The following NRP1 variants were observed in gnomAD, a reference collection of about 807,000 sequenced individuals.
The protein encoded by NRP1 is neuropilin 1.
Under a neutral mutation model 106.7 loss-of-function variants are expected in NRP1, and 35 were observed. That is an observed-to-expected ratio of 0.33 (90% confidence interval 0.25 to 0.43). The LOEUF (loss-of-function observed/expected upper bound fraction) is 0.43, where lower values mean the gene tolerates loss of function less well. Among genes scored for constraint, NRP1 ranks in the 20% least tolerant of loss-of-function variants. The probability of loss-of-function intolerance (pLI) is 1.00; values close to 1 mark genes in which losing one functional copy is unlikely to be tolerated. For missense variants in NRP1, 1,024 were observed against 1,170.4 expected (o/e 0.87, Z 1.83); for synonymous variants, 437 against 417.9 (o/e 1.05, Z -0.56).
At chr10:33,321,471 C>G (rs1847505665) in intron 2 of NRP1, among the ~76,000 whole-genome samples, 1 of 152,166 alleles carries the variant, frequency 6.6e-6, no homozygotes, top group African/African-American at 2.4e-5. Flanking sequence ...AGCCTAATCT[C>G]TTATCAGACC....
intron 2 of NRP1, among the ~76,000 whole-genome samples, chr10:33,300,072 A>C (rs550464892): frequency 1.3e-5 from 2 of 152,368 alleles, no homozygotes; most frequent in East Asian, 1.9e-4. Flanking sequence ...AATGTCTAGC[A>C]TCTTCACAGT....
In NRP1 at chr10:33,213,688, C is replaced by G; in HGVS notation, c.1312G>C (p.Val438Leu). The change falls in exon 9 of 17, where the codon GTG (valine) becomes CTG (leucine). Residue 438 changes from valine (V) to leucine (L), a missense_variant. By Grantham distance (32) the Val-to-Leu change is conservative. This residue lies in a region of NRP1 where 562 missense variants were observed against 620.3 expected (regional missense o/e 0.91). Transcript: ENST00000374867. ...TGGGAGTCAGAAATAAGTCCAGACA[C>G]CATACCCAACATTCCAGAGCAAGGA... ...DYPCSGMLGMVSGLISDSQIT... is the reference protein window; with the variant it reads ...DYPCSGMLGMLSGLISDSQIT... The G allele has an allele frequency of 6.2e-7, 1 of 1,604,966 alleles. No homozygotes were observed.
chr10:33,213,032 GAGGGCAGACCCAA>G, intron 9 of NRP1: 1 of 563,840 alleles, frequency 1.8e-6, no homozygotes, highest in Non-Finnish European at 3.1e-6. Flanking sequence ...GAGATGGGGG[GAGGGCAGACCCAA>G]ACGACTGAGT....
Position 33,182,691 on chromosome 10 carries a change from A to G in NRP1, c.2482+7T>C. The G allele has an allele frequency of 1.2e-6, 2 of 1,609,886 alleles. No individual in the cohort carries two copies. The highest frequency in any genetic ancestry group is 8.5e-7 in the Non-Finnish European group (1 of 1,177,156). ...TTTTTAAAAATTGGTCAGCAAGACA[A>G]ATTTACCTGTTTCATCAATTTTAAT... On this transcript the variant is annotated splice_region_variant and intron_variant, in intron 16 of 16. Transcript: ENST00000374867.
At chr10:33,288,734 A>G (rs1844768723) in intron 2 of NRP1, 1 of 152,166 alleles carries the variant, frequency 6.6e-6, no homozygotes, top group African/African-American at 2.4e-5. Context: ...TCACTCTTTC[A>G]AAGCCCACCC....
At chr10:33,240,252 C>T (rs1280707020) in intron 6 of NRP1, among the ~76,000 whole-genome samples, 1 of 152,098 alleles carries the variant, frequency 6.6e-6, no homozygotes, top group Non-Finnish European at 1.5e-5. Context: ...AATTTTCATG[C>T]CTAAAAGACT....
At chr10:33,222,343 T>G (rs1839312295) in intron 7 of NRP1, among the ~76,000 whole-genome samples, 1 of 152,182 alleles carries the variant, frequency 6.6e-6, no homozygotes, top group Non-Finnish European at 1.5e-5. Flanking sequence ...CCCCTTTGAC[T>G]TCATTCCTTG....
At chr10:33,206,714 G>T (rs1000851859) in intron 10 of NRP1, among the ~76,000 whole-genome samples, 2 of 152,152 alleles carry the variant, frequency 1.3e-5, no homozygotes, top group Non-Finnish European at 2.9e-5. Context: ...CCTCTATGGG[G>T]ATAGAAAAAC....
intron 10 of NRP1, among the ~76,000 whole-genome samples, chr10:33,203,345 G>A (rs1168912258): frequency 6.6e-6 from 1 of 152,176 alleles, no homozygotes; most frequent in Non-Finnish European, 1.5e-5. Context: ...CAGAGATTTT[G>A]CTTGAAACGT....
intron 2 of NRP1, among the ~76,000 whole-genome samples, chr10:33,314,239 AC>A (rs1389932733): frequency 3.9e-5 from 6 of 152,000 alleles, no homozygotes; most frequent in Non-Finnish European, 8.8e-5. Flanking sequence ...GGCGCATGGC[AC>A]CATGCTTGGC....
At chr10:33,203,721 G>GTT (rs1837526410) in intron 10 of NRP1, among the ~76,000 whole-genome samples, 3 of 99,928 alleles carry the variant, frequency 3.0e-5, no homozygotes, top group African/African-American at 7.9e-5. Context: ...ATCAAAGACT[G>GTT]CTTTTTTTTT....
At chr10:33,208,899 C>CTTTT (rs11310131) in intron 9 of NRP1, among the ~76,000 whole-genome samples, 73 of 85,276 alleles carry the variant, frequency 8.6e-4, no homozygotes, top group East Asian at 1.1e-3. Flanking sequence ...TTAGAGCAGC[C>CTTTT]TTTTTTTTTT....
intron 13 of NRP1, among the ~76,000 whole-genome samples, chr10:33,190,949 G>A (rs145590734): frequency 6.1e-4 from 93 of 152,130 alleles, no homozygotes; most frequent in Middle Eastern, 6.8e-3. Flanking sequence ...GAACTCCTAG[G>A]CTCAAAGGAT....
intron 11 of NRP1, chr10:33,201,065 T>G (rs1443957648): frequency 1.3e-5 from 2 of 152,228 alleles, no homozygotes; most frequent in African/African-American, 2.4e-5. Flanking sequence ...AGAATGAACT[T>G]TCTTCTATCT....
intron 2 of NRP1, among the ~76,000 whole-genome samples, chr10:33,319,680 G>A (rs1328776724): frequency 3.3e-5 from 5 of 150,110 alleles, no homozygotes; most frequent in Non-Finnish European, 7.4e-5. Flanking sequence ...TCTGCCTCGC[G>A]GGTTCATGCC....
In NRP1 at chr10:33,280,095, T is replaced by C. The variant is rs562110669; in HGVS notation, c.249-9239A>G. 1.2e-4 allele frequency among the ~76,000 whole-genome samples: 18 copies of C among 152,310 alleles called. 1 individual carries two copies. The South Asian group carries it at 3.5e-3, about 30-fold the overall frequency. On this transcript the variant is annotated intron_variant, in intron 2 of 16. Coordinates refer to ENST00000374867, the MANE Select transcript of NRP1 (RefSeq NM_003873.7). ...AATGTATCTAAGAATTCAAGACATA[T>C]GGTGTTAAATATTGATCAAAATATA...
chr10:33,205,007 C>G lies in NRP1; in HGVS notation c.1760-2012G>C, dbSNP rs546503159. ...TTGGCCTCCCAAAGTGCTGGGATTA[C>G]AGGCATGAGCCACCACACCCGGCCT... On this transcript the variant is annotated intron_variant, in intron 10 of 16. Coordinates refer to ENST00000374867, the MANE Select transcript of NRP1 (RefSeq NM_003873.7). Among the ~76,000 whole-genome samples the G allele has an allele frequency of 3.7e-3, 562 of 152,322 alleles. 4 individuals carry two copies. Among genetic ancestry groups the G allele is most frequent in the African/African-American group, 0.012 (505 of 41,568 alleles).
chr10:33,261,448 C>T (rs1842567705), intron 4 of NRP1, among the ~76,000 whole-genome samples: 1 of 152,198 alleles, frequency 6.6e-6, no homozygotes, highest in Non-Finnish European at 1.5e-5. Context: ...TATTATAATA[C>T]TATTTTCCTA....
intron 2 of NRP1, among the ~76,000 whole-genome samples, chr10:33,312,930 C>T (rs1052000211): frequency 2.0e-5 from 3 of 152,126 alleles, no homozygotes; most frequent in African/African-American, 7.2e-5. Flanking sequence ...CTCAGGTTAT[C>T]AATTGCACTT....
Sources: allele counts gnomAD v4.1 joint callset (sites outside exome capture counted in the v4.1 genomes callset), GRCh38; gene constraint gnomAD v4.1.1; regional missense constraint gnomAD v4.1.1; transcripts MANE v1.5; gene names NCBI Gene and HGNC (gene_info 2026-07-23, HGNC 2026-07-21).